MTHFD1L: variants seen among roughly 807,000 people sequenced by gnomAD.
The protein encoded by MTHFD1L is monofunctional C1-tetrahydrofolate synthase, mitochondrial.
Under a neutral mutation model 119.5 loss-of-function variants are expected in MTHFD1L, and 81 were observed. The ratio of observed to expected loss-of-function variants is 0.68; its 90% CI spans 0.57 to 0.82. The LOEUF (loss-of-function observed/expected upper bound fraction) is 0.82, where lower values mean the gene tolerates loss of function less well. Among genes scored for constraint, MTHFD1L ranks in the 40% least tolerant of loss-of-function variants. MTHFD1L has a pLI of 0.00. For missense variants in MTHFD1L, 1,125 were observed against 1,253.4 expected (o/e 0.90, Z 1.55); for synonymous variants, 430 against 475.2 (o/e 0.90, Z 1.24).
intron 19 of MTHFD1L, among the ~76,000 whole-genome samples, chr6:150,968,997 C>T (rs1797644895): frequency 6.6e-6 from 1 of 151,510 alleles, no homozygotes; most frequent in Non-Finnish European, 1.5e-5. Flanking sequence ...TACAGGCGCC[C>T]GCTACCATGC....
intron 1 of MTHFD1L, among the ~76,000 whole-genome samples, chr6:150,873,505 G>C (rs1188009248): frequency 6.6e-6 from 1 of 152,116 alleles, no homozygotes; most frequent in Admixed American, 6.5e-5. Context: ...TTTTACAGAT[G>C]AGGAATCTGA....
intron 20 of MTHFD1L, among the ~76,000 whole-genome samples, chr6:150,974,594 T>A (rs1489523295): frequency 2.7e-5 from 4 of 146,694 alleles, no homozygotes; most frequent in South Asian, 2.1e-4. Context: ...TCTGTCTCAA[T>A]GAAGTTGACT....
intron 7 of MTHFD1L, among the ~76,000 whole-genome samples, chr6:150,896,521 T>TA (rs1784248518): frequency 6.6e-6 from 1 of 152,134 alleles, no homozygotes; most frequent in African/African-American, 2.4e-5. Context: ...GCCTTGTACT[T>TA]AGCGAGTGGC....
chr6:150,956,109 T>TA (rs778722009), intron 17 of MTHFD1L, 38 bp downstream of exon 17: 3 of 1,579,836 alleles, frequency 1.9e-6, no homozygotes, highest in Non-Finnish European at 2.6e-6. Context: ...GCTCTGTTCT[T>TA]ACGTTCATTT....
intron 8 of MTHFD1L, 145 bp downstream of exon 8, chr6:150,905,906 A>G: frequency 3.1e-6 from 2 of 637,270 alleles, no homozygotes; most frequent in Admixed American, 2.5e-5. Context: ...ACTGTGGGCT[A>G]CCTGATAGAA....
intron 7 of MTHFD1L, among the ~76,000 whole-genome samples, chr6:150,902,600 A>T (rs1163989477): frequency 1.3e-5 from 2 of 152,012 alleles, no homozygotes; most frequent in Non-Finnish European, 2.9e-5. Context: ...GAAAGAATTA[A>T]CATCTATGAT....
chr6:151,098,575 C>T (rs1313226248), intron 27 of MTHFD1L, among the ~76,000 whole-genome samples: 1 of 152,148 alleles, frequency 6.6e-6, no homozygotes, highest in African/African-American at 2.4e-5. Context: ...TAAATCTCTC[C>T]TATCTAACTA....
intron 20 of MTHFD1L, among the ~76,000 whole-genome samples, chr6:151,002,895 C>T (rs375798051): frequency 2.2e-3 from 331 of 152,192 alleles, no homozygotes; most frequent in Middle Eastern, 6.8e-3. Flanking sequence ...TCCTTGTTGG[C>T]GGGGGGAGGG....
At chr6:150,993,750 C>T (rs73616997) in intron 20 of MTHFD1L, among the ~76,000 whole-genome samples, 1,757 of 152,144 alleles carry the variant, frequency 0.012, 31 homozygotes, top group African/African-American at 0.04. Flanking sequence ...GCTTACGATC[C>T]TTCCTCTCTG....
rs559300849 is a variant in MTHFD1L at position 150,997,266 on chromosome 6, T to C, written c.2126-12553T>C. On this transcript the variant is annotated intron_variant, in intron 20 of 27. Coordinates refer to ENST00000367321, the MANE Select transcript of MTHFD1L (RefSeq NM_015440.5). Reference sequence around the variant, plus strand: ...GCACTGCTGGTACTGTGCTGAGCCCTGGACAAGGGTGTAGGTTGCTCTAAA... The same window carrying C: ...GCACTGCTGGTACTGTGCTGAGCCCCGGACAAGGGTGTAGGTTGCTCTAAA... Among the ~76,000 whole-genome samples, 248 of 152,338 alleles carry C rather than the reference T, an allele frequency of 1.6e-3. 3 individuals carry two copies. The highest frequency in any genetic ancestry group is 5.7e-3 in the African/African-American group (238 of 41,580).
chr6:150,955,710 G>A (rs986080376), intron 16 of MTHFD1L, among the ~76,000 whole-genome samples: 1 of 152,064 alleles, frequency 6.6e-6, no homozygotes, highest in African/African-American at 2.4e-5. Flanking sequence ...ATGTTGGCCA[G>A]GCTGGTCTGG....
chr6:151,089,991 G>A (rs1029138537), intron 26 of MTHFD1L, among the ~76,000 whole-genome samples: 5 of 152,220 alleles, frequency 3.3e-5, no homozygotes, highest in African/African-American at 4.8e-5. Flanking sequence ...TCCCATAGGC[G>A]TGTTATGAAC....
At chr6:151,031,829 T>C (rs2128525062) in intron 24 of MTHFD1L, among the ~76,000 whole-genome samples, 1 of 152,362 alleles carries the variant, frequency 6.6e-6, no homozygotes, top group Middle Eastern at 3.4e-3. Context: ...TTTTCAAGTT[T>C]ATGCCTTTGT....
chr6:151,072,595 C>T (rs1373755661), intron 26 of MTHFD1L, among the ~76,000 whole-genome samples: 1 of 152,106 alleles, frequency 6.6e-6, no homozygotes, highest in Non-Finnish European at 1.5e-5. Flanking sequence ...TCGACATCAG[C>T]ATGAGCAACA....
At chr6:151,033,064 G>C (rs1281473759) in intron 24 of MTHFD1L, among the ~76,000 whole-genome samples, 1 of 151,994 alleles carries the variant, frequency 6.6e-6, no homozygotes, top group African/African-American at 2.4e-5. Flanking sequence ...ATCAGCATTT[G>C]GTTCAGCAGT....
intron 20 of MTHFD1L, among the ~76,000 whole-genome samples, chr6:150,993,475 C>T (rs909535694): frequency 1.3e-5 from 2 of 151,958 alleles, no homozygotes; most frequent in Non-Finnish European, 2.9e-5. Flanking sequence ...CCACGTCCAG[C>T]TAATTTTTGT....
At chr6:150,965,517 C>T (rs953939697) in intron 19 of MTHFD1L, among the ~76,000 whole-genome samples, 3 of 151,896 alleles carry the variant, frequency 2.0e-5, no homozygotes, top group Admixed American at 1.3e-4. Context: ...AAAAATTAGC[C>T]GGGCATTGTG....
chr6:151,002,168 A>G (rs1258626521), intron 20 of MTHFD1L, among the ~76,000 whole-genome samples: 1 of 152,218 alleles, frequency 6.6e-6, no homozygotes, highest in African/African-American at 2.4e-5. Flanking sequence ...GGGAAATGCT[A>G]TGTGATCAGT....
chr6:151,012,661 TTAAAC>T (rs780837669), intron 21 of MTHFD1L, among the ~76,000 whole-genome samples: 15 of 152,158 alleles, frequency 9.9e-5, no homozygotes, highest in African/African-American at 1.7e-4. Flanking sequence ...AATTAGATCT[TTAAAC>T]TAACCATTGT....
Sources: allele counts gnomAD v4.1 joint callset (sites outside exome capture counted in the v4.1 genomes callset), GRCh38; gene constraint gnomAD v4.1.1; transcripts MANE v1.5; gene names NCBI Gene and HGNC (gene_info 2026-07-23, HGNC 2026-07-21).